FOXP2: variants seen among roughly 807,000 people sequenced by gnomAD.
The protein encoded by FOXP2 is forkhead box P2.
Under a neutral mutation model 115.8 loss-of-function variants are expected in FOXP2, and 12 were observed. The observed-to-expected ratio is 0.10, with a 90% confidence interval of 0.07 to 0.17. The LOEUF (loss-of-function observed/expected upper bound fraction) is 0.17, where lower values mean the gene tolerates loss of function less well. Among genes scored for constraint, FOXP2 ranks in the 10% least tolerant of loss-of-function variants. The pLI is 1.00. For missense variants in FOXP2, 629 were observed against 843.5 expected, an observed-to-expected ratio of 0.75 and a Z score of 3.15; for synonymous variants, 328 against 297.7, an observed-to-expected ratio of 1.10 and a Z score of -1.05.
chr7:114,536,379 G>A (rs1284913291), intron 3 of FOXP2, among the ~76,000 whole-genome samples: 8 of 147,622 alleles, frequency 5.4e-5, no homozygotes, highest in African/African-American at 1.5e-4. Context: ...AGAATGGCTG[G>A]GCTTTAGTTT....
chr7:114,167,944 A>G (rs1456946536), intron 1 of FOXP2, among the ~76,000 whole-genome samples: 1 of 151,510 alleles, frequency 6.6e-6, no homozygotes, highest in African/African-American at 2.4e-5. Flanking sequence ...TCAAAAAAAA[A>G]AAAAAAAAAA....
intron 1 of FOXP2, among the ~76,000 whole-genome samples, chr7:114,178,099 A>G (rs1793365224): frequency 6.6e-6 from 1 of 151,974 alleles, no homozygotes; most frequent in Non-Finnish European, 1.5e-5. Context: ...TAAAAACAGT[A>G]TTATGCAAAG....
chr7:114,475,298 G>T (rs960751096), intron 2 of FOXP2, among the ~76,000 whole-genome samples: 1 of 151,974 alleles, frequency 6.6e-6, no homozygotes, highest in Non-Finnish European at 1.5e-5. Context: ...CAGTTCAGAG[G>T]TTACAAAAAT....
chr7:114,160,782 C>G (rs1584514791), upstream of FOXP2, among the ~76,000 whole-genome samples: 1 of 147,258 alleles, frequency 6.8e-6, no homozygotes, highest in African/African-American at 2.5e-5. Context: ...AGTATATTTT[C>G]TGTGTGTGTG....
intron 2 of FOXP2, among the ~76,000 whole-genome samples, chr7:114,497,571 C>A (rs974010311): frequency 5.3e-5 from 8 of 152,034 alleles, no homozygotes; most frequent in African/African-American, 1.9e-4. Context: ...ATCACTTGAA[C>A]CCAGGAGGCA....
chr7:114,361,021 A>C (rs1256899062), intron 2 of FOXP2, among the ~76,000 whole-genome samples: 1 of 152,254 alleles, frequency 6.6e-6, no homozygotes, highest in East Asian at 1.9e-4. Flanking sequence ...ACAGTGTTGG[A>C]ATAGGACACC....
chr7:114,573,989 G>A (rs6969756), intron 3 of FOXP2, among the ~76,000 whole-genome samples: 1,910 of 151,532 alleles, frequency 0.013, 37 homozygotes, highest in African/African-American at 0.043. Context: ...GGTTTTTTCT[G>A]GTGTCTTGGC....
At chr7:114,200,727 G>T (rs1313976553) in intron 1 of FOXP2, among the ~76,000 whole-genome samples, 2 of 152,168 alleles carry the variant, frequency 1.3e-5, no homozygotes, top group African/African-American at 4.8e-5. Context: ...AATTTTGTAA[G>T]ATTATGCCTC....
chr7:114,253,350 T>A (rs1277144786), intron 1 of FOXP2, among the ~76,000 whole-genome samples: 1 of 152,150 alleles, frequency 6.6e-6, no homozygotes, highest in African/African-American at 2.4e-5. Flanking sequence ...ATATCCTTGT[T>A]AACTTTCTGT....
At chr7:114,651,867 G>A (rs1806276018) in intron 8 of FOXP2, among the ~76,000 whole-genome samples, 1 of 152,024 alleles carries the variant, frequency 6.6e-6, no homozygotes, top group Non-Finnish European at 1.5e-5. Flanking sequence ...ATTGCTTTTG[G>A]TTCATAGATT....
At chr7:114,410,669 G>C (rs1793140993), upstream of FOXP2, among the ~76,000 whole-genome samples, 1 of 152,060 alleles carries the variant, frequency 6.6e-6, no homozygotes, top group African/African-American at 2.4e-5. Flanking sequence ...GTATAGATGA[G>C]GAGAGTTGAC....
intron 3 of FOXP2, among the ~76,000 whole-genome samples, chr7:114,608,970 G>A (rs967999098): frequency 1.3e-5 from 2 of 151,978 alleles, no homozygotes; most frequent in South Asian, 2.1e-4. Context: ...AGGCCGAGGC[G>A]GGCGGATCAC....
intron 2 of FOXP2, among the ~76,000 whole-genome samples, chr7:114,343,173 A>AT: frequency 6.6e-6 from 1 of 151,208 alleles, no homozygotes; most frequent in East Asian, 1.9e-4. Context: ...ATTACAGCAC[A>AT]TTTTTTTTCT....
At chr7:114,534,279 A>C (rs1799271396) in intron 2 of FOXP2, among the ~76,000 whole-genome samples, 1 of 143,148 alleles carries the variant, frequency 7.0e-6, no homozygotes, top group African/African-American at 2.6e-5. Flanking sequence ...ATTGAATGAT[A>C]ATTTAAAAGG....
chr7:114,507,098 A>G (rs1035976993), intron 2 of FOXP2, among the ~76,000 whole-genome samples: 1 of 151,888 alleles, frequency 6.6e-6, no homozygotes, highest in East Asian at 1.9e-4. Flanking sequence ...CCAAAGAAAC[A>G]CTATCAGTTG....
intron 6 of FOXP2, among the ~76,000 whole-genome samples, chr7:114,641,159 G>A (rs1292329705): frequency 6.6e-6 from 1 of 152,070 alleles, no homozygotes; most frequent in African/African-American, 2.4e-5. Flanking sequence ...TTCTCTCTTA[G>A]TTTGTTTCCT....
At chr7:114,343,875 C>T (rs930255961) in intron 2 of FOXP2, among the ~76,000 whole-genome samples, 15 of 151,498 alleles carry the variant, frequency 9.9e-5, no homozygotes, top group Non-Finnish European at 7.4e-5. Flanking sequence ...TCTATTTATC[C>T]GCAAATATTC....
At chr7:114,249,118 A>C (rs1015148464) in intron 1 of FOXP2, among the ~76,000 whole-genome samples, 2 of 152,226 alleles carry the variant, frequency 1.3e-5, no homozygotes, top group African/African-American at 4.8e-5. Context: ...TGATGATCTG[A>C]AAATCAGAGT....
intron 2 of FOXP2, among the ~76,000 whole-genome samples, chr7:114,396,397 G>A (rs919672774): frequency 6.6e-6 from 1 of 152,016 alleles, no homozygotes; most frequent in Non-Finnish European, 1.5e-5. Flanking sequence ...TTCATCCATT[G>A]ATGGGCACTT....
Sources: gnomAD v4.1 joint callset for allele counts (sites outside exome capture counted in the v4.1 genomes callset) on GRCh38, gnomAD v4.1.1 for gene constraint, MANE v1.5 for transcripts, NCBI Gene and HGNC (gene_info 2026-07-23, HGNC 2026-07-21) for gene names.